Variants in PLS1 observed in about 807,000 individuals in gnomAD.
The protein encoded by PLS1 is plastin-1.
A neutral mutation model predicts 73.7 loss-of-function variants in PLS1; 32 were observed. The ratio of observed to expected loss-of-function variants is 0.43; its 90% confidence interval spans 0.33 to 0.58. The LOEUF is 0.58. PLS1 is among the 20% of genes least tolerant of loss of function. The pLI is 0.04. For missense variants in PLS1, 633 were observed against 740.5 expected (o/e 0.85, Z 1.68); for synonymous variants, 217 against 261.3 (o/e 0.83, Z 1.63).
chr3:142,683,469 A>T (rs1339254810), intron 6 of PLS1, among the ~76,000 whole-genome samples: 1 of 152,064 alleles, frequency 6.6e-6, no homozygotes, highest in Non-Finnish European at 1.5e-5. Context: ...GTGCCATTGC[A>T]CTCCAGCTTG....
intron 14 of PLS1, among the ~76,000 whole-genome samples, chr3:142,705,258 G>T (rs2038435311): frequency 6.6e-6 from 1 of 152,058 alleles, no homozygotes; most frequent in Admixed American, 6.6e-5. Flanking sequence ...AATGTTTTGT[G>T]CTCCCTAGCA....
At chr3:142,603,270 TG>T (rs1258682343) in intron 1 of PLS1, among the ~76,000 whole-genome samples, 1 of 152,208 alleles carries the variant, frequency 6.6e-6, no homozygotes, top group African/African-American at 2.4e-5. Context: ...AAAGGCACGT[TG>T]CTTTTTATTA....
intron 1 of PLS1, among the ~76,000 whole-genome samples, chr3:142,616,335 A>G (rs551475581): frequency 7.2e-4 from 110 of 152,340 alleles, no homozygotes; most frequent in African/African-American, 2.2e-3. Context: ...GGTAGAGAAA[A>G]AAGAATGATG....
chr3:142,602,809 A>AGGACCTCTTCTCT (rs2035951526), intron 1 of PLS1, among the ~76,000 whole-genome samples: 1 of 151,810 alleles, frequency 6.6e-6, no homozygotes, highest in South Asian at 2.1e-4. Context: ...CTGTGTTCCC[A>AGGACCTCTTCTCT]GGATATGAAA....
At chr3:142,633,554 G>A (rs1302041974) in intron 1 of PLS1, among the ~76,000 whole-genome samples, 1 of 152,270 alleles carries the variant, frequency 6.6e-6, no homozygotes, top group East Asian at 1.9e-4. Flanking sequence ...TACTCGGGGG[G>A]CTGAGGCAAG....
At chr3:142,697,869 T>C in intron 11 of PLS1, 84 bp from the exon 12 acceptor site, 2 of 709,638 alleles carry the variant, frequency 2.8e-6, no homozygotes, top group South Asian at 1.8e-5. Context: ...CTTAAAGATA[T>C]AAGTCTATCT....
chr3:142,612,877 G>C (rs6440097), intron 1 of PLS1, among the ~76,000 whole-genome samples: 33,240 of 151,962 alleles, frequency 0.22, 4,557 homozygotes, highest in African/African-American at 0.39. Context: ...ATGTTCTCCT[G>C]CCTCAGCCTC....
intron 2 of PLS1, 100 bp downstream of exon 2, chr3:142,664,407 A>T: frequency 1.1e-5 from 6 of 550,424 alleles, no homozygotes; most frequent in South Asian, 2.8e-5. Flanking sequence ...CCACCCAATT[A>T]CCTCCAGATT....
At chr3:142,602,602 C>T (rs1218958542) in intron 1 of PLS1, among the ~76,000 whole-genome samples, 1 of 151,856 alleles carries the variant, frequency 6.6e-6, no homozygotes, top group Non-Finnish European at 1.5e-5. Context: ...TTTAAAGGCC[C>T]CCCCCACCCC....
chr3:142,688,191 G>A (rs898398532), intron 9 of PLS1, among the ~76,000 whole-genome samples: 13 of 151,922 alleles, frequency 8.6e-5, no homozygotes, highest in African/African-American at 2.7e-4. Context: ...CAAGTGATCC[G>A]CCTGCCTCTG....
intron 1 of PLS1, among the ~76,000 whole-genome samples, chr3:142,662,719 T>G (rs2037397289): frequency 6.6e-6 from 1 of 152,082 alleles, no homozygotes; most frequent in South Asian, 2.1e-4. Flanking sequence ...TAATGAAAAA[T>G]TAGAAGCAGT....
rs955379763 is a variant in PLS1, at chr3:142,703,906, C to T, written c.1410C>T (p.Asn470=). 1 of 1,611,752 alleles carries T rather than the reference C, an allele frequency of 6.2e-7. No individual in the cohort carries two copies. Residue 470 remains asparagine, a synonymous_variant, in exon 13 of 16, where the codon AAC becomes AAT. Coordinates refer to ENST00000457734, the MANE Select transcript of PLS1 (RefSeq NM_001145319.2). ...ACTATGCAGTGGAACTTGGGAAGAA[C>T]AAGGCCAAATTCTCCTTGGTTGGCA... ...NCNYAVELGK[N]KAKFSLVGIA...
chr3:142,694,111 G>A (rs2038143520), intron 10 of PLS1, among the ~76,000 whole-genome samples: 1 of 149,674 alleles, frequency 6.7e-6, no homozygotes, highest in South Asian at 2.1e-4. Context: ...TACCCTGACT[G>A]CGAAAACATT....
rs1933152556 is a variant in PLS1 at position 142,711,982 on chromosome 3, G to A, written c.1865G>A (p.Gly622Glu). ...ATGACGGTGTTTGCATGCTTAATGG[G>A]AAAAGGACTGAACAGAATAAAATAA... ...MVMTVFACLM[G>E]KGLNRIK Residue 622 changes from glycine to glutamate, a missense_variant, in exon 16 of 16, where the codon GGA (glycine) becomes GAA (glutamate). Coordinates refer to ENST00000457734, the MANE Select transcript of PLS1 (RefSeq NM_001145319.2). 2 of 1,613,330 alleles carry A rather than the reference G, an allele frequency of 1.2e-6. No individual in the cohort carries two copies. The highest frequency in any genetic ancestry group is 2.2e-5 in the South Asian group (2 of 91,052).
At chr3:142,707,875 A>G (rs1026256145) in intron 14 of PLS1, among the ~76,000 whole-genome samples, 2 of 152,182 alleles carry the variant, frequency 1.3e-5, no homozygotes, top group African/African-American at 4.8e-5. Flanking sequence ...CAGAAACCTT[A>G]GCGGTTTAAA....
chr3:142,599,913 T>C (rs906805183), intron 1 of PLS1, among the ~76,000 whole-genome samples: 9 of 152,080 alleles, frequency 5.9e-5, no homozygotes, highest in African/African-American at 1.2e-4. Context: ...CGTGCCACCA[T>C]GCGTGGCTAA....
chr3:142,688,623 C>G (rs1447794179), intron 9 of PLS1, among the ~76,000 whole-genome samples: 1 of 152,120 alleles, frequency 6.6e-6, no homozygotes, highest in Non-Finnish European at 1.5e-5. Context: ...TATGTAGTTT[C>G]CCTTCATCCA....
At position 142,677,986 on chromosome 3, in the gene PLS1, A is replaced by C. The variant is rs926996479; in HGVS notation, c.498-46A>C. The C allele has an allele frequency of 4.4e-6, 4 of 910,460 alleles. No individual in the cohort carries two copies. In the African/African-American group the frequency reaches 5.3e-5, roughly 12 times the overall value. The allele number at this position is 910,460 out of a possible 1,614,324, so 56.4% of individuals were successfully genotyped here. A position where few individuals can be genotyped will look rare whatever the true frequency, so the allele number is the denominator to read the frequency against. On this transcript the variant is annotated intron_variant, in intron 5 of 15. Coordinates refer to ENST00000457734, the MANE Select transcript of PLS1 (RefSeq NM_001145319.2). The stretch of plus-strand genomic sequence containing the variant: ...GGCTGTTTGCAATAATAAACTAAAA[A>C]AATTTCTTGGAGTATTAAACTAAAT...
At chr3:142,603,104 TG>T (rs1335910767) in intron 1 of PLS1, among the ~76,000 whole-genome samples, 2 of 152,242 alleles carry the variant, frequency 1.3e-5, no homozygotes, top group Admixed American at 1.3e-4. Context: ...GGTTATAAAA[TG>T]GTTATACAAT....
Sources: allele counts gnomAD v4.1 joint callset (sites outside exome capture counted in the v4.1 genomes callset), GRCh38; gene constraint gnomAD v4.1.1; transcripts MANE v1.5; gene names NCBI Gene and HGNC (gene_info 2026-07-23, HGNC 2026-07-21).